Variants in CYB5RL observed in about 807,000 individuals in gnomAD.
The protein encoded by CYB5RL is cytochrome b5 reductase like, also known as NADH-cytochrome b5 reductase-like.
CYB5RL carries 38 observed loss-of-function variants against 37.5 expected under a neutral mutation model. That is an observed-to-expected ratio of 1.01 (90% CI 0.78 to 1.33). The LOEUF is 1.33. CYB5RL is among the 40% of genes most tolerant of loss of function. The pLI is 0.00. For missense variants in CYB5RL, 388 were observed against 394.4 expected, an observed-to-expected ratio of 0.98 and a Z score of 0.14; for synonymous variants, 141 against 151.9, an observed-to-expected ratio of 0.93 and a Z score of 0.53.
At chr1:54,197,776 C>T (rs1363180146) in intron 1 of CYB5RL, among the ~76,000 whole-genome samples, 1 of 152,064 alleles carries the variant, frequency 6.6e-6, no homozygotes, top group Non-Finnish European at 1.5e-5. Flanking sequence ...AATCCCAGCA[C>T]TTTGGGAGGC....
intron 7 of CYB5RL, among the ~76,000 whole-genome samples, chr1:54,176,731 C>T (rs898513229): frequency 2.0e-5 from 3 of 152,208 alleles, no homozygotes; most frequent in African/African-American, 7.2e-5. Context: ...CTCAGCCTAT[C>T]CCACCATGCA....
chr1:54,197,316 TC>T (rs200749591), intron 1 of CYB5RL, among the ~76,000 whole-genome samples: 2,243 of 136,222 alleles, frequency 0.016, 54 homozygotes, highest in African/African-American at 0.038. Flanking sequence ...TCTTTTCTTT[TC>T]TTTTTTTTTT....
At chr1:54,189,171 A>ACT (rs1643927565) in intron 4 of CYB5RL, among the ~76,000 whole-genome samples, 1 of 149,688 alleles carries the variant, frequency 6.7e-6, no homozygotes, top group Admixed American at 6.8e-5. Context: ...TGACAGAGTG[A>ACT]GACTCTGTCT....
rs1659935001 is a variant in CYB5RL at position 54,173,220 on chromosome 1, T to C, written c.*1399A>G. The C allele has an allele frequency of 6.6e-6, 1 of 152,322 alleles. No individual in the cohort carries two copies. Among genetic ancestry groups the C allele is most frequent in the Non-Finnish European group, 1.5e-5 (1 of 68,038 alleles). 9.4% of individuals were successfully genotyped at this position (152,322 alleles called of 1,614,324 possible). A position where few individuals can be genotyped will look rare whatever the true frequency, so the allele number is the denominator to read the frequency against. ...TTAAATGTGACACAGCAGAGAGATT[T>C]GTTGCCATTTTTTTTAGTGGCTAGG... is the stretch of plus-strand genomic sequence containing the variant. On this transcript the variant is annotated 3_prime_UTR_variant, in exon 8 of 8. Transcript: ENST00000534324.
At position 54,171,123 on chromosome 1, in the gene CYB5RL, G is replaced by A. The variant is rs547886623; in HGVS notation, c.*3496C>T. The A allele has an allele frequency of 1.4e-4, 62 of 455,876 alleles. No individual in the cohort carries two copies. The highest frequency in any genetic ancestry group is 1.2e-3 in the Admixed American group (49 of 42,558). 28.2% of individuals were successfully genotyped at this position (455,876 alleles called of 1,614,324 possible). A position where few individuals can be genotyped will look rare whatever the true frequency, so the allele number is the denominator to read the frequency against. On this transcript the variant is annotated 3_prime_UTR_variant, in exon 8 of 8. Transcript: ENST00000534324. Reference sequence around the variant, plus strand: ...CCAAGCTGGAGTGGAAGAGACAGGCGAGGCTCCCGGGAGGAAGTGACACTG... The same window carrying A: ...CCAAGCTGGAGTGGAAGAGACAGGCAAGGCTCCCGGGAGGAAGTGACACTG...
At chr1:54,177,135 C>T (rs778150704) in intron 7 of CYB5RL, among the ~76,000 whole-genome samples, 6 of 152,038 alleles carry the variant, frequency 3.9e-5, no homozygotes, top group Non-Finnish European at 8.8e-5. Flanking sequence ...CAGTAGGGAG[C>T]CAGGCAAGGG....
At chr1:54,184,829 C>T (rs1375078860) in intron 5 of CYB5RL, 1 of 152,524 alleles carries the variant, frequency 6.6e-6, no homozygotes, top group Admixed American at 6.5e-5. Flanking sequence ...AAACTCTATG[C>T]TGGCCAATAC....
In CYB5RL at chr1:54,174,176, C is replaced by T. The variant is rs950355365; in HGVS notation, c.*443G>A. ...CCTCCAAAGAGCTCTAAGCCTCTCCCGTGTCCTTCCCTACACACTCAGGAG... is the reference window on the plus strand; with the variant it reads ...CCTCCAAAGAGCTCTAAGCCTCTCCTGTGTCCTTCCCTACACACTCAGGAG... On this transcript the variant is annotated 3_prime_UTR_variant, in exon 8 of 8. Coordinates refer to ENST00000534324, the MANE Select transcript of CYB5RL (RefSeq NM_001031672.4). 13 of 210,330 alleles carry T rather than the reference C, an allele frequency of 6.2e-5. No individual in the cohort carries two copies. Among genetic ancestry groups the T allele is most frequent in the African/African-American group, 2.7e-4 (12 of 44,546 alleles). 13.0% of individuals were successfully genotyped at this position (210,330 alleles called of 1,614,324 possible).
intron 7 of CYB5RL, among the ~76,000 whole-genome samples, 187 bp downstream of exon 7, chr1:54,178,962 T>C (rs1384825250): frequency 6.6e-6 from 1 of 152,170 alleles, no homozygotes; most frequent in Non-Finnish European, 1.5e-5. Context: ...ACCCACTGAA[T>C]GTGCATCTCC....
intron 5 of CYB5RL, chr1:54,184,916 G>T (rs1313776026): frequency 1.3e-5 from 2 of 152,266 alleles, no homozygotes; most frequent in Admixed American, 1.3e-4. Flanking sequence ...CTGGCTGGAT[G>T]AAAAATGAAG....
In CYB5RL at chr1:54,171,610, A is replaced by G. The variant is rs1659894508; in HGVS notation, c.*3009T>C. On this transcript the variant is annotated 3_prime_UTR_variant, in exon 8 of 8. Transcript: ENST00000534324. ...AAGCTTGGGATGCATATGCACAAAG[A>G]GAGCTCTGTGTGGCTCACAGATTGT... 2.7e-6 allele frequency: 1 copy of G among 367,650 alleles called. No homozygotes were observed. The highest frequency in any genetic ancestry group is 5.4e-6 in the Non-Finnish European group (1 of 185,054). The allele number at this position is 367,650 out of a possible 1,614,324, so 22.8% of individuals were successfully genotyped here.
In CYB5RL at chr1:54,172,098, G is replaced by A. The variant is rs1659906173; in HGVS notation, c.*2521C>T. ...ATCTAAACATCTAAAATGAGACAAG[G>A]ACAGAGATACGAGAACTGCCCCGGA... On this transcript the variant is annotated 3_prime_UTR_variant, in exon 8 of 8. Transcript: ENST00000534324. 1 of 153,218 alleles carries A rather than the reference G, an allele frequency of 6.5e-6. No individual in the cohort carries two copies. Among genetic ancestry groups the A allele is most frequent in the African/African-American group, 2.4e-5 (1 of 41,426 alleles). 9.5% of individuals were successfully genotyped at this position (153,218 alleles called of 1,614,324 possible).
chr1:54,190,606 C>G lies in CYB5RL; in HGVS notation c.347+142G>C, dbSNP rs548260218. 3.7e-4 allele frequency: 380 copies of G among 1,039,140 alleles called. 1 individual carries two copies. The African/African-American group carries it at 5.4e-3, about 15-fold the overall frequency. The allele number at this position is 1,039,140 out of a possible 1,614,324, so 64.4% of individuals were successfully genotyped here. On this transcript the variant is annotated intron_variant, in intron 4 of 7. Coordinates refer to ENST00000534324, the MANE Select transcript of CYB5RL (RefSeq NM_001031672.4). Reference sequence around the variant, plus strand: ...ATTATCTAGTTCAATCCCAAGAACTCTCTGAGTCATGTGTCACTATGTCTA... The same window carrying G: ...ATTATCTAGTTCAATCCCAAGAACTGTCTGAGTCATGTGTCACTATGTCTA...
chr1:54,187,760 G>A, intron 4 of CYB5RL, 21 bp from the exon 5 acceptor site: 1 of 1,605,242 alleles, frequency 6.2e-7, no homozygotes, highest in East Asian at 2.2e-5. Flanking sequence ...GAAGTGTGCA[G>A]TCAGTCAGCC....
rs974066160 is a variant in CYB5RL, at chr1:54,182,021, A to C, written c.540+2140T>G. 2.6e-5 allele frequency among the ~76,000 whole-genome samples: 4 copies of C among 152,194 alleles called. No homozygotes were observed. In the South Asian group the frequency reaches 8.3e-4, roughly 32 times the overall value. On this transcript the variant is annotated intron_variant, in intron 6 of 7. Transcript: ENST00000534324. The stretch of plus-strand genomic sequence containing the variant: ...TCCGTGCATGTGAAGGAGCAGCCAC[A>C]AGGCATTGGGAGGCTCCACCAGAAA...
intron 7 of CYB5RL, among the ~76,000 whole-genome samples, chr1:54,178,283 C>A (rs536405527): frequency 6.6e-6 from 1 of 152,090 alleles, no homozygotes; most frequent in African/African-American, 2.4e-5. Flanking sequence ...TGCCTCATAG[C>A]GGGACCAGAT....
intron 7 of CYB5RL, among the ~76,000 whole-genome samples, chr1:54,178,116 A>G (rs1221971182): frequency 1.3e-5 from 2 of 152,148 alleles, no homozygotes; most frequent in Non-Finnish European, 2.9e-5. Context: ...CTCTCATGTC[A>G]TGCCACTGAG....
At position 54,174,420 on chromosome 1, in the gene CYB5RL, AG is replaced by A. The variant is rs1032211741; in HGVS notation, c.*198del. The A allele has an allele frequency of 1.3e-5, 8 of 616,380 alleles. No homozygotes were observed. Among genetic ancestry groups the A allele is most frequent in the Non-Finnish European group, 2.0e-5 (7 of 354,660 alleles). The allele number at this position is 616,380 out of a possible 1,614,324, so 38.2% of individuals were successfully genotyped here. A position where few individuals can be genotyped will look rare whatever the true frequency, so the allele number is the denominator to read the frequency against. On this transcript the variant is annotated 3_prime_UTR_variant, in exon 8 of 8. Coordinates refer to ENST00000534324, the MANE Select transcript of CYB5RL (RefSeq NM_001031672.4). ...ACAGCCCATCCTCCTTCTACATAGT[AG>A]GAGGCCAGGAGGAGTGATTAACCTC...
At chr1:54,198,059 G>T (rs1025523495) in intron 1 of CYB5RL, among the ~76,000 whole-genome samples, 1 of 140,898 alleles carries the variant, frequency 7.1e-6, no homozygotes, top group African/African-American at 2.7e-5. Context: ...AAAAAAAAGG[G>T]TGGTATCTTA....
Sources: allele counts gnomAD v4.1 joint callset (sites outside exome capture counted in the v4.1 genomes callset), GRCh38; gene constraint gnomAD v4.1.1; transcripts MANE v1.5; gene names NCBI Gene and HGNC (gene_info 2026-07-23, HGNC 2026-07-21).